The following NOL9 variants were observed in gnomAD, a reference collection of about 807,000 sequenced individuals.
The protein encoded by NOL9 is nucleolar protein 9.
NOL9 carries 28 observed loss-of-function variants against 67.9 expected under a neutral mutation model. The ratio of observed to expected loss-of-function variants is 0.41; its 90% CI spans 0.31 to 0.57. The LOEUF is 0.57. NOL9 is among the 20% of genes least tolerant of loss of function. The pLI is 0.25. For synonymous variants in NOL9, 356 were observed against 352.2 expected, an observed-to-expected ratio of 1.01 and a Z score of -0.12; for missense variants, 777 against 897.0, an observed-to-expected ratio of 0.87 and a Z score of 1.71.
At chr1:6,533,502 A>T (rs1387170977) in intron 6 of NOL9, 61 bp from the exon 7 acceptor site, 1 of 1,289,236 alleles carries the variant, frequency 7.8e-7, no homozygotes, top group Non-Finnish European at 1.0e-6. Flanking sequence ...TGGCTACTTA[A>T]AAGGTGGTGA....
chr1:6,551,423 C>A (rs537271125), intron 1 of NOL9, among the ~76,000 whole-genome samples: 1 of 149,522 alleles, frequency 6.7e-6, no homozygotes, highest in Admixed American at 6.7e-5. Flanking sequence ...CTGCACCCCA[C>A]CCCCGCCACC....
At chr1:6,539,452 T>C (rs114632357) in intron 6 of NOL9, among the ~76,000 whole-genome samples, 1,545 of 148,508 alleles carry the variant, frequency 0.01, 26 homozygotes, top group African/African-American at 0.035. Flanking sequence ...ACACATACAA[T>C]TGAATAACAT....
chr1:6,526,572 G>A (rs973028370), intron 11 of NOL9, 124 bp downstream of exon 11: 46 of 991,268 alleles, frequency 4.6e-5, no homozygotes, highest in Admixed American at 1.7e-4. Context: ...GCTCACTCAG[G>A]ATCTACAACA....
chr1:6,545,194 T>C lies in NOL9; in HGVS notation c.745-14A>G, dbSNP rs1639392469. ...GGGAGTTGGACTCTGAAATCAACAA[T>C]TTAAACTTTAAGGTGAAAAAATGCA... is the stretch of plus-strand genomic sequence containing the variant. On this transcript the variant is annotated splice_polypyrimidine_tract_variant and intron_variant, in intron 3 of 11. Coordinates refer to ENST00000377705, the MANE Select transcript of NOL9 (RefSeq NM_024654.5). 1.2e-6 allele frequency: 2 copies of C among 1,603,964 alleles called. No individual in the cohort carries two copies. The highest frequency in any genetic ancestry group is 1.7e-6 in the Non-Finnish European group (2 of 1,176,692).
At chr1:6,528,227 T>G (rs552589656) in intron 10 of NOL9, among the ~76,000 whole-genome samples, 3 of 152,348 alleles carry the variant, frequency 2.0e-5, no homozygotes, top group African/African-American at 7.2e-5. Context: ...CTTTGAGCCC[T>G]GGTCCAGACC....
At chr1:6,546,157 T>C (rs145369324) in intron 3 of NOL9, among the ~76,000 whole-genome samples, 1,964 of 152,200 alleles carry the variant, frequency 0.013, 29 homozygotes, top group Non-Finnish European at 0.019. Context: ...CTCCAGAATC[T>C]ACTGACACAT....
At chr1:6,550,838 C>T (rs1359452865) in intron 1 of NOL9, among the ~76,000 whole-genome samples, 2 of 152,082 alleles carry the variant, frequency 1.3e-5, no homozygotes, top group African/African-American at 4.8e-5. Context: ...TAAGTGTCAC[C>T]ACGCCCGGCT....
Position 6,525,317 on chromosome 1 carries a change from T to C in NOL9, c.*537A>G, listed in dbSNP as rs1242428236. ...CATGCCCAGCCCTATCTATTAAACC[T>C]TGATTGAATATAACAGACCAAGTAC... On this transcript the variant is annotated 3_prime_UTR_variant, in exon 12 of 12. Coordinates refer to ENST00000377705, the MANE Select transcript of NOL9 (RefSeq NM_024654.5). 1.3e-5 allele frequency: 2 copies of C among 158,028 alleles called. No individual in the cohort carries two copies. The highest frequency in any genetic ancestry group is 4.8e-5 in the African/African-American group (2 of 41,458). The allele number at this position is 158,028 out of a possible 1,614,324, so 9.8% of individuals were successfully genotyped here. A position where few individuals can be genotyped will look rare whatever the true frequency, so the allele number is the denominator to read the frequency against.
chr1:6,533,262 G>C lies in NOL9; in HGVS notation c.1237+18C>G, dbSNP rs764354299. 4 of 1,563,688 alleles carry C rather than the reference G, an allele frequency of 2.6e-6. No homozygotes were observed. The African/African-American group carries it at 5.4e-5, about 21-fold the overall frequency. ...CACTGCCTGTCCTTCCCTTGCAGATGTGCACATGCAGGCTTACCTGAAACC... is the reference window on the plus strand; with the variant it reads ...CACTGCCTGTCCTTCCCTTGCAGATCTGCACATGCAGGCTTACCTGAAACC... On this transcript the variant is annotated intron_variant, in intron 7 of 11. Coordinates refer to ENST00000377705, the MANE Select transcript of NOL9 (RefSeq NM_024654.5).
Position 6,526,740 on chromosome 1 carries a change from G to A in NOL9, c.1915C>T (p.Leu639Phe), listed in dbSNP as rs1265248783. 1 of 1,613,982 alleles carries A rather than the reference G, an allele frequency of 6.2e-7. No homozygotes were observed. Among genetic ancestry groups the A allele is most frequent in the Non-Finnish European group, 8.5e-7 (1 of 1,179,920 alleles). ...TGTGGAATGGCAATAGCTCCAACGAGCAGACAATTCACGGTCCTTAGCTCT... is the reference window on the plus strand; with the variant it reads ...TGTGGAATGGCAATAGCTCCAACGAACAGACAATTCACGGTCCTTAGCTCT... ...PEELRTVNCL[L>F]VGAIAIPHCV... Residue 639 changes from leucine to phenylalanine, a missense_variant, in exon 11 of 12, where the codon CTC becomes TTC. This residue lies in a region of NOL9 where 413 missense variants were observed against 552.6 expected (regional missense o/e 0.75). Transcript: ENST00000377705.
At chr1:6,542,024 G>A (rs1308903063) in intron 5 of NOL9, 97 bp from the exon 6 acceptor site, 2 of 676,084 alleles carry the variant, frequency 3.0e-6, no homozygotes, top group East Asian at 5.5e-5. Context: ...GTGACACGCA[G>A]GCATAATCCA....
In NOL9 at chr1:6,521,603, C is replaced by T. The variant is rs536310021; in HGVS notation, c.*4251G>A. On this transcript the variant is annotated 3_prime_UTR_variant, in exon 12 of 12. Transcript: ENST00000377705. ...TCAGGAATGGGTTATCTATGGTGGC[C>T]GTGGAGCTTGCTTCCTCAAGGGCTC... is the stretch of plus-strand genomic sequence containing the variant. 1.3e-5 allele frequency: 2 copies of T among 152,242 alleles called. No homozygotes were observed. The highest frequency in any genetic ancestry group is 6.5e-5 in the Admixed American group (1 of 15,296). The allele number at this position is 152,242 out of a possible 1,614,324, so 9.4% of individuals were successfully genotyped here.
At position 6,524,425 on chromosome 1, in the gene NOL9, G is replaced by A. The variant is rs185581756; in HGVS notation, c.*1429C>T. 6 of 152,244 alleles carry A rather than the reference G, an allele frequency of 3.9e-5. No individual in the cohort carries two copies. The highest frequency in any genetic ancestry group is 1.9e-4 in the East Asian group (1 of 5,194). The allele number at this position is 152,244 out of a possible 1,614,324, so 9.4% of individuals were successfully genotyped here. ...ATGATGTGACCTGGTCCCATCACCC[G>A]TTTACACAAACCACTTCCAACCTAG... On this transcript the variant is annotated 3_prime_UTR_variant, in exon 12 of 12. Transcript: ENST00000377705.
chr1:6,534,960 C>T (rs902436997), intron 6 of NOL9, among the ~76,000 whole-genome samples: 4 of 152,126 alleles, frequency 2.6e-5, no homozygotes, highest in Admixed American at 2.0e-4. Flanking sequence ...CTCGCCACCA[C>T]ACCTGGCTAA....
chr1:6,551,709 T>C (rs975914121), intron 1 of NOL9, among the ~76,000 whole-genome samples: 2 of 152,142 alleles, frequency 1.3e-5, no homozygotes, highest in Admixed American at 6.6e-5. Context: ...TGGAAGCCGT[T>C]ATCTTCAGCA....
In NOL9 at chr1:6,532,093, CACA is replaced by C. The variant is rs770395522; in HGVS notation, c.1536-17_1536-15del. On this transcript the variant is annotated splice_polypyrimidine_tract_variant and intron_variant, in intron 8 of 11. Coordinates refer to ENST00000377705, the MANE Select transcript of NOL9 (RefSeq NM_024654.5). ...TTATGTGACTCTCTGAAAGGCAAAT[CACA>C]ACAAGGTAAGTAGACATTTAACCCT... is the stretch of plus-strand genomic sequence containing the variant. 1.2e-5 allele frequency: 19 copies of C among 1,591,248 alleles called. No individual in the cohort carries two copies. Among genetic ancestry groups the C allele is most frequent in the Non-Finnish European group, 1.6e-5 (18 of 1,159,284 alleles).
chr1:6,549,529 G>A, intron 3 of NOL9, 42 bp downstream of exon 3: 3 of 1,606,498 alleles, frequency 1.9e-6, no homozygotes, highest in Middle Eastern at 1.7e-4. Context: ...CACTGTTTTG[G>A]TGCAAGTAAT....
chr1:6,531,581 G>A lies in NOL9; in HGVS notation c.1647+387C>T, dbSNP rs60822691. 3.0e-3 allele frequency among the ~76,000 whole-genome samples: 456 copies of A among 152,154 alleles called. 2 individuals carry two copies. The highest frequency in any genetic ancestry group is 9.9e-3 in the African/African-American group (413 of 41,516). On this transcript the variant is annotated intron_variant, in intron 9 of 11. Coordinates refer to ENST00000377705, the MANE Select transcript of NOL9 (RefSeq NM_024654.5). ...CTGTGAACGCTCCCTGAATCCACAC[G>A]TTCACTCTCTGAGGCCCAGTAGCAC... is the stretch of plus-strand genomic sequence containing the variant.
At position 6,541,906 on chromosome 1, in the gene NOL9, C is replaced by T; in HGVS notation, c.999G>A (p.Leu333=). 6.2e-7 allele frequency: 1 copy of T among 1,602,580 alleles called. No homozygotes were observed. The highest frequency in any genetic ancestry group is 8.5e-7 in the Non-Finnish European group (1 of 1,175,622). The change falls in exon 6 of 12, where the codon TTG becomes TTA. Residue 333 remains leucine, a synonymous_variant. Coordinates refer to ENST00000377705, the MANE Select transcript of NOL9 (RefSeq NM_024654.5). ...LLNSLPCVDY[L]ECDLGQTEFT... ...ATTCTGTCTGTCCCAGATCACATTC[C>T]AAATAGTCAACGCAGGGAAGACTGC...
Sources: allele counts gnomAD v4.1 joint callset (sites outside exome capture counted in the v4.1 genomes callset), GRCh38; gene constraint gnomAD v4.1.1; regional missense constraint gnomAD v4.1.1; transcripts MANE v1.5; gene names NCBI Gene and HGNC (gene_info 2026-07-23, HGNC 2026-07-21).